The following IRF2 variants were observed in gnomAD, a reference collection of about 807,000 sequenced individuals.
IRF2 encodes the protein interferon regulatory factor 2.
IRF2 carries 15 observed loss-of-function variants against 40.6 expected under a neutral mutation model. The observed-to-expected ratio is 0.37, with a 90% CI of 0.25 to 0.57. The LOEUF is 0.57. Among genes scored for constraint, IRF2 ranks in the 20% least tolerant of loss-of-function variants. IRF2 has a pLI of 0.77. For missense variants in IRF2, 317 were observed against 455.7 expected, an observed-to-expected ratio of 0.70 and a Z score of 2.77; for synonymous variants, 151 against 165.5, an observed-to-expected ratio of 0.91 and a Z score of 0.67.
chr4:184,446,336 G>A (rs1738508441), intron 1 of IRF2, among the ~76,000 whole-genome samples: 1 of 152,196 alleles, frequency 6.6e-6, no homozygotes, highest in African/African-American at 2.4e-5. Flanking sequence ...CACCTGTTAG[G>A]GTGGCTGGGG....
At chr4:184,421,732 T>TACACAC (rs147172543) in intron 2 of IRF2, among the ~76,000 whole-genome samples, 11 of 151,724 alleles carry the variant, frequency 7.3e-5, no homozygotes, top group African/African-American at 2.7e-4. Context: ...TGCATACACA[T>TACACAC]ACACACACAC....
chr4:184,421,246 G>A (rs1370167921), intron 2 of IRF2, among the ~76,000 whole-genome samples: 1 of 152,110 alleles, frequency 6.6e-6, no homozygotes, highest in Non-Finnish European at 1.5e-5. Flanking sequence ...TCAGAACATT[G>A]GAGAGTTTCC....
At chr4:184,396,593 C>T (rs888453197) in intron 7 of IRF2, among the ~76,000 whole-genome samples, 9 of 151,852 alleles carry the variant, frequency 5.9e-5, no homozygotes, top group Non-Finnish European at 1.2e-4. Flanking sequence ...TGCCACCACA[C>T]CCGGTTAACT....
At chr4:184,417,177 G>A (rs561084680) in intron 5 of IRF2, among the ~76,000 whole-genome samples, 8 of 152,284 alleles carry the variant, frequency 5.3e-5, no homozygotes, top group Middle Eastern at 3.4e-3. Context: ...AGCTGATTAA[G>A]GTTAAAATTA....
At chr4:184,461,942 A>C (rs1041403419) in intron 1 of IRF2, among the ~76,000 whole-genome samples, 1 of 152,126 alleles carries the variant, frequency 6.6e-6, no homozygotes, top group Non-Finnish European at 1.5e-5. Context: ...GAGAGAAGAA[A>C]GAGGAGCAGC....
chr4:184,429,178 C>T, intron 1 of IRF2, 108 bp from the exon 2 acceptor site: 5 of 517,626 alleles, frequency 9.7e-6, no homozygotes, highest in East Asian at 5.7e-5. Context: ...TTTCCTGGGG[C>T]TGGGGACCAG....
chr4:184,449,692 CT>C (rs1738644214), intron 1 of IRF2, among the ~76,000 whole-genome samples: 1 of 152,178 alleles, frequency 6.6e-6, no homozygotes, highest in African/African-American at 2.4e-5. Flanking sequence ...TCGGGGATAC[CT>C]TACCAATAAT....
In IRF2 at chr4:184,408,556, T is replaced by A. The variant is rs1736949008; in HGVS notation, c.412-281A>T. Among the ~76,000 whole-genome samples, 1 of 152,162 alleles carries A rather than the reference T, an allele frequency of 6.6e-6. No individual in the cohort carries two copies. Among genetic ancestry groups the A allele is most frequent in the Admixed American group, 6.5e-5 (1 of 15,278 alleles). On this transcript the variant is annotated intron_variant, in intron 5 of 8. Coordinates refer to ENST00000393593, the MANE Select transcript of IRF2 (RefSeq NM_002199.4). This position sits in a 1 kb window ranked among gnomAD's most constrained non-coding sequence, Gnocchi z 4.9. Reference sequence around the variant, plus strand: ...ATGCTTCCACCTGCAGACAATAGCTTTGGGGCTACGCAGAGCTGCATCATT... The same window carrying A: ...ATGCTTCCACCTGCAGACAATAGCTATGGGGCTACGCAGAGCTGCATCATT...
intron 7 of IRF2, among the ~76,000 whole-genome samples, chr4:184,393,990 T>C (rs145641409): frequency 9.8e-5 from 15 of 152,384 alleles, no homozygotes; most frequent in African/African-American, 3.6e-4. Context: ...ACTATCGAAC[T>C]ATCAACATAC....
intron 7 of IRF2, among the ~76,000 whole-genome samples, chr4:184,396,619 A>G (rs559418310): frequency 6.6e-6 from 1 of 151,646 alleles, no homozygotes; most frequent in East Asian, 1.9e-4. Flanking sequence ...TATTTTTTGT[A>G]GAAGTGTGGT....
intron 1 of IRF2, among the ~76,000 whole-genome samples, chr4:184,442,668 G>A (rs1018670109): frequency 9.9e-5 from 15 of 151,858 alleles, no homozygotes; most frequent in African/African-American, 2.9e-4. Context: ...ACCTCCTGCC[G>A]TTTCAGTGCA....
intron 1 of IRF2, among the ~76,000 whole-genome samples, chr4:184,456,764 G>A (rs997161122): frequency 6.6e-6 from 1 of 152,224 alleles, no homozygotes; most frequent in Non-Finnish European, 1.5e-5. Flanking sequence ...CAGCCAACAC[G>A]TACTGAGGGT....
At position 184,443,364 on chromosome 4, in the gene IRF2, T is replaced by C. The variant is rs1738384518; in HGVS notation, c.-6-14294A>G. ...GGTAGTTTTTCAACCCTTGCCCTACTTCCTCTCTCTCCCCTTCTGGAATCC... is the reference window on the plus strand; with the variant it reads ...GGTAGTTTTTCAACCCTTGCCCTACCTCCTCTCTCTCCCCTTCTGGAATCC... On this transcript the variant is annotated intron_variant, in intron 1 of 8. Transcript: ENST00000393593. Among the ~76,000 whole-genome samples the C allele has an allele frequency of 2.0e-5, 3 of 152,332 alleles. No individual in the cohort carries two copies. In the South Asian group the frequency reaches 6.2e-4, roughly 32 times the overall value.
In IRF2 at chr4:184,470,689, CA is replaced by C. The variant is rs70959201; in HGVS notation, c.-7+3689del. ...TGGGCAACAGAGCAAGACTCTGCCT[CA>C]AAAAAAAAAAAAAAGAAAAGAAAAA... On this transcript the variant is annotated intron_variant, in intron 1 of 8. Coordinates refer to ENST00000393593, the MANE Select transcript of IRF2 (RefSeq NM_002199.4). 2.6e-3 allele frequency among the ~76,000 whole-genome samples: 58 copies of C among 22,054 alleles called. 1 individual carries two copies. Among genetic ancestry groups the C allele is most frequent in the East Asian group, 6.6e-3 (3 of 454 alleles). 14.5% of individuals were successfully genotyped at this position (22,054 alleles called of 152,430 possible). A position where few individuals can be genotyped will look rare whatever the true frequency, so the allele number is the denominator to read the frequency against.
At chr4:184,447,499 T>C (rs1420264808) in intron 1 of IRF2, among the ~76,000 whole-genome samples, 3 of 152,088 alleles carry the variant, frequency 2.0e-5, no homozygotes, top group Non-Finnish European at 1.5e-5. Context: ...AACCAGTGAG[T>C]AAAAGGCTGG....
At position 184,408,657 on chromosome 4, in the gene IRF2, G is replaced by T. The variant is rs1315619894; in HGVS notation, c.412-382C>A. 6.6e-6 allele frequency among the ~76,000 whole-genome samples: 1 copy of T among 152,226 alleles called. No individual in the cohort carries two copies. Among genetic ancestry groups the T allele is most frequent in the African/African-American group, 2.4e-5 (1 of 41,450 alleles). ...GGGGTGCTCAAAAGAATCAATGCCT[G>T]GCTTTCACCAGGGAGGAATCATGCT... On this transcript the variant is annotated intron_variant, in intron 5 of 8. Transcript: ENST00000393593. This position sits in a 1 kb window ranked among gnomAD's most constrained non-coding sequence, Gnocchi z 4.9.
chr4:184,421,879 T>A (rs1354257629), intron 2 of IRF2, among the ~76,000 whole-genome samples: 1 of 152,100 alleles, frequency 6.6e-6, no homozygotes, highest in Non-Finnish European at 1.5e-5. Flanking sequence ...CAGGTGTTTG[T>A]CCCCTCAAAA....
rs757962053 is a variant in IRF2, at chr4:184,419,445, A to G, written c.187+24T>C. On this transcript the variant is annotated intron_variant, in intron 3 of 8. Coordinates refer to ENST00000393593, the MANE Select transcript of IRF2 (RefSeq NM_002199.4). Reference sequence around the variant, plus strand: ...ACTAAGCAAGAGTGCCTTCCTCTATAAACGCCGCAGGGAGTTTTAGTACCT... The same window carrying G: ...ACTAAGCAAGAGTGCCTTCCTCTATGAACGCCGCAGGGAGTTTTAGTACCT... 3.4e-6 allele frequency: 5 copies of G among 1,479,810 alleles called. No individual in the cohort carries two copies. In the Admixed American group the frequency reaches 7.0e-5, roughly 21 times the overall value. The allele number at this position is 1,479,810 out of a possible 1,614,324, so 91.7% of individuals were successfully genotyped here.
intron 1 of IRF2, among the ~76,000 whole-genome samples, chr4:184,471,688 T>A (rs754648215): frequency 1.3e-5 from 2 of 152,230 alleles, no homozygotes; most frequent in Non-Finnish European, 2.9e-5. Context: ...ATTTTTCCAG[T>A]AAGTTTAAAC....
Sources: gnomAD v4.1 joint callset for allele counts (sites outside exome capture counted in the v4.1 genomes callset) on GRCh38, gnomAD v4.1.1 for gene constraint, Gnocchi (gnomAD v3.1) non-coding constraint, MANE v1.5 for transcripts, NCBI Gene and HGNC (gene_info 2026-07-23, HGNC 2026-07-21) for gene names.